LHFPL3: variants seen among roughly 807,000 people sequenced by gnomAD.
LHFPL3 encodes the protein LHFPL tetraspan subfamily member 3 protein.
Under a neutral mutation model 19.3 loss-of-function variants are expected in LHFPL3, and 5 were observed. That is an observed-to-expected ratio of 0.26 (90% confidence interval 0.14 to 0.54). LHFPL3 has a LOEUF of 0.54. LHFPL3 is among the 20% of genes least tolerant of loss of function. LHFPL3 has a pLI of 0.94. For missense variants in LHFPL3, 249 were observed against 307.4 expected, an observed-to-expected ratio of 0.81 and a Z score of 1.42; for synonymous variants, 133 against 126.2, an observed-to-expected ratio of 1.05 and a Z score of -0.36.
intron 1 of LHFPL3, among the ~76,000 whole-genome samples, chr7:104,349,963 G>A (rs1181340013): frequency 6.6e-6 from 1 of 152,158 alleles, no homozygotes; most frequent in Non-Finnish European, 1.5e-5. Context: ...GCCATTTGCT[G>A]AGAGCTTTCC....
chr7:104,683,132 G>A (rs1240057062), intron 1 of LHFPL3, among the ~76,000 whole-genome samples: 1 of 152,168 alleles, frequency 6.6e-6, no homozygotes, highest in Non-Finnish European at 1.5e-5. Flanking sequence ...TGGGATTACA[G>A]GCATGTGCCA....
Position 104,824,752 on chromosome 7 carries a change from TATTATATATA to T in LHFPL3, c.683-81432_683-81423del, listed in dbSNP as rs1374829749. 1.1e-4 allele frequency among the ~76,000 whole-genome samples: 8 copies of T among 72,930 alleles called. No homozygotes were observed. The South Asian group carries it at 2.0e-3, about 18-fold the overall frequency. The allele number at this position is 72,930 out of a possible 152,430, so 47.8% of individuals were successfully genotyped here. A position where few individuals can be genotyped will look rare whatever the true frequency, so the allele number is the denominator to read the frequency against. On this transcript the variant is annotated intron_variant, in intron 2 of 2. Transcript: ENST00000424859. ...TTTTGAAACAGAAGTCTTACTCATA[TATTATATATA>T]ATATATTATATATTATATATTTCAA...
intron 1 of LHFPL3, among the ~76,000 whole-genome samples, chr7:104,353,923 A>G (rs1790224953): frequency 6.6e-6 from 1 of 151,988 alleles, no homozygotes; most frequent in Non-Finnish European, 1.5e-5. Flanking sequence ...ATGTCTCTCT[A>G]TTCCTTTATA....
At chr7:104,497,658 C>A (rs1317929123) in intron 1 of LHFPL3, among the ~76,000 whole-genome samples, 1 of 151,160 alleles carries the variant, frequency 6.6e-6, no homozygotes, top group African/African-American at 2.4e-5. Context: ...AAGGAGAGCA[C>A]AAACATAAAT....
chr7:104,878,277 T>TA (rs397735005), intron 2 of LHFPL3, among the ~76,000 whole-genome samples: 2 of 151,890 alleles, frequency 1.3e-5, no homozygotes, highest in African/African-American at 2.4e-5. Flanking sequence ...CTTTTTTTTT[T>TA]AAACAAATTG....
intron 1 of LHFPL3, among the ~76,000 whole-genome samples, chr7:104,550,015 C>G (rs75508332): frequency 0.021 from 3,169 of 152,132 alleles, 44 homozygotes; most frequent in Non-Finnish European, 0.029. Context: ...CACACAGTTA[C>G]GGAGGCTGAA....
intron 1 of LHFPL3, among the ~76,000 whole-genome samples, chr7:104,572,871 C>G (rs1315397060): frequency 6.6e-6 from 1 of 152,168 alleles, no homozygotes; most frequent in Non-Finnish European, 1.5e-5. Context: ...CAAGTTGATG[C>G]TAATATGTCT....
chr7:104,772,215 A>ATTC (rs1269884158), intron 2 of LHFPL3, among the ~76,000 whole-genome samples: 3 of 152,128 alleles, frequency 2.0e-5, no homozygotes, highest in Non-Finnish European at 4.4e-5. Context: ...ATCTTTTATT[A>ATTC]TTCTTATTCT....
At chr7:104,759,273 T>G (rs910236713) in intron 2 of LHFPL3, among the ~76,000 whole-genome samples, 1 of 152,130 alleles carries the variant, frequency 6.6e-6, no homozygotes, top group Non-Finnish European at 1.5e-5. Context: ...AGAACTTTAC[T>G]TAGGAGTGGA....
At chr7:104,898,004 C>T (rs934217575) in intron 2 of LHFPL3, among the ~76,000 whole-genome samples, 5 of 75,056 alleles carry the variant, frequency 6.7e-5, no homozygotes, top group African/African-American at 2.7e-4. Context: ...GAAATGTCAC[C>T]CCTTTTTTTT....
intron 1 of LHFPL3, among the ~76,000 whole-genome samples, chr7:104,694,382 T>G (rs1037291631): frequency 2.0e-5 from 3 of 152,184 alleles, no homozygotes; most frequent in Non-Finnish European, 4.4e-5. Flanking sequence ...TCTATTGTGA[T>G]GAGGAAGCTT....
At chr7:104,665,231 C>T (rs1484482112) in intron 1 of LHFPL3, among the ~76,000 whole-genome samples, 1 of 150,918 alleles carries the variant, frequency 6.6e-6, no homozygotes, top group African/African-American at 2.5e-5. Flanking sequence ...GTAGCATCTA[C>T]TAGAAAGTGG....
intron 1 of LHFPL3, among the ~76,000 whole-genome samples, chr7:104,339,598 A>G (rs1789906804): frequency 6.6e-6 from 1 of 152,188 alleles, no homozygotes; most frequent in South Asian, 2.1e-4. Flanking sequence ...CTGCCTCCCA[A>G]TGTAACGTCC....
chr7:104,567,315 A>G (rs375972944), intron 1 of LHFPL3, among the ~76,000 whole-genome samples: 1 of 152,250 alleles, frequency 6.6e-6, no homozygotes, highest in Non-Finnish European at 1.5e-5. Context: ...TAGGCCCCCT[A>G]GATACATTGG....
rs550416600 is a variant in LHFPL3, at chr7:104,457,238, T to G, written c.445+128014T>G. Among the ~76,000 whole-genome samples, 242 of 152,064 alleles carry G rather than the reference T, an allele frequency of 1.6e-3. 2 individuals carry two copies. The highest frequency in any genetic ancestry group is 6.8e-3 in the Middle Eastern group (2 of 294). ...CATCCATTAACTCGTCATTTAGCAT[T>G]AGGTATATCTCCTCAAGCTATCCCT... is the stretch of plus-strand genomic sequence containing the variant. On this transcript the variant is annotated intron_variant, in intron 1 of 2. Coordinates refer to ENST00000424859, the MANE Select transcript of LHFPL3 (RefSeq NM_199000.3).
At chr7:104,336,430 G>A (rs1349114648) in intron 1 of LHFPL3, among the ~76,000 whole-genome samples, 2 of 151,734 alleles carry the variant, frequency 1.3e-5, no homozygotes, top group African/African-American at 4.8e-5. Flanking sequence ...ACTGCACAAG[G>A]TCCTGGTACT....
At chr7:104,421,848 A>G (rs1409531179) in intron 1 of LHFPL3, among the ~76,000 whole-genome samples, 1 of 152,130 alleles carries the variant, frequency 6.6e-6, no homozygotes, top group African/African-American at 2.4e-5. Flanking sequence ...TGGTGTTAGG[A>G]GGTGGGGCAT....
At chr7:104,607,264 T>G (rs1174814813) in intron 1 of LHFPL3, among the ~76,000 whole-genome samples, 1 of 152,234 alleles carries the variant, frequency 6.6e-6, no homozygotes, top group Non-Finnish European at 1.5e-5. Context: ...AAGGACAGTG[T>G]GGAGGTCAGA....
intron 1 of LHFPL3, among the ~76,000 whole-genome samples, chr7:104,710,563 C>T (rs977964638): frequency 2.6e-5 from 4 of 152,048 alleles, no homozygotes; most frequent in South Asian, 2.1e-4. Context: ...GTAAAACAGC[C>T]GCCAGACTAC....
Sources: allele counts gnomAD v4.1 joint callset (sites outside exome capture counted in the v4.1 genomes callset), GRCh38; gene constraint gnomAD v4.1.1; transcripts MANE v1.5; gene names NCBI Gene and HGNC (gene_info 2026-07-23, HGNC 2026-07-21).